Variants in ANKRD42 observed in about 807,000 individuals in gnomAD.
ANKRD42 encodes the protein ankyrin repeat domain 42.
In ANKRD42, 43 loss-of-function variants were observed where a neutral mutation model predicts 51.5. The ratio of observed to expected loss-of-function variants is 0.83; its 90% CI spans 0.65 to 1.08. The LOEUF is 1.08. ANKRD42 is among the 50% of genes least tolerant of loss of function. The probability of loss-of-function intolerance (pLI) is 0.00; values close to 1 mark genes in which losing one functional copy is unlikely to be tolerated. For missense variants in ANKRD42, 608 were observed against 629.3 expected (o/e 0.97, Z 0.36); for synonymous variants, 203 against 213.0 (o/e 0.95, Z 0.41).
chr11:83,206,964 C>T (rs775633605), intron 3 of ANKRD42, among the ~76,000 whole-genome samples: 3 of 152,060 alleles, frequency 2.0e-5, no homozygotes, highest in Non-Finnish European at 4.4e-5. Context: ...TGGTATTAGT[C>T]CATTCTCACA....
chr11:83,246,641 C>T (rs1863550766), intron 10 of ANKRD42, among the ~76,000 whole-genome samples: 1 of 152,194 alleles, frequency 6.6e-6, no homozygotes, highest in Non-Finnish European at 1.5e-5. Flanking sequence ...TTGTCCTCTG[C>T]TTTTCCTGCC....
At chr11:83,225,468 G>C (rs1459836222) in intron 6 of ANKRD42, among the ~76,000 whole-genome samples, 1 of 151,900 alleles carries the variant, frequency 6.6e-6, no homozygotes, top group Non-Finnish European at 1.5e-5. Flanking sequence ...GGGAGGCCGA[G>C]GTGGGAGGAT....
intron 7 of ANKRD42, among the ~76,000 whole-genome samples, chr11:83,228,944 T>G (rs559616446): frequency 1.2e-3 from 88 of 75,544 alleles, no homozygotes; most frequent in African/African-American, 4.8e-3. Context: ...GTTTTTTTTG[T>G]TTTTTTTTGT....
chr11:83,228,931 A>C (rs1862981532), intron 7 of ANKRD42, among the ~76,000 whole-genome samples: 1 of 133,202 alleles, frequency 7.5e-6, no homozygotes, highest in Admixed American at 7.4e-5. Context: ...ACATGTACCT[A>C]AAGTTTTTTT....
At chr11:83,223,356 T>C (rs1311787074) in intron 5 of ANKRD42, among the ~76,000 whole-genome samples, 1 of 152,184 alleles carries the variant, frequency 6.6e-6, no homozygotes, top group Non-Finnish European at 1.5e-5. Context: ...GGGAACCTGA[T>C]GCAATAATTC....
chr11:83,194,835 C>T (rs1181704021), intron 1 of ANKRD42, 107 bp downstream of exon 1: 2 of 1,139,852 alleles, frequency 1.8e-6, no homozygotes, highest in Non-Finnish European at 2.5e-6. Flanking sequence ...GCCGTCACTC[C>T]CCCCTTTCCC....
downstream of ANKRD42, among the ~76,000 whole-genome samples, chr11:83,253,922 T>C (rs1863717375): frequency 6.6e-6 from 1 of 152,214 alleles, no homozygotes; most frequent in East Asian, 1.9e-4. Context: ...AAATTTGGAA[T>C]CCTCTTCTAA....
At chr11:83,202,988 ATT>A (rs750379636) in intron 2 of ANKRD42, among the ~76,000 whole-genome samples, 18 of 118,922 alleles carry the variant, frequency 1.5e-4, no homozygotes, top group African/African-American at 1.9e-4. Flanking sequence ...TGTTGGTTGG[ATT>A]TTTTTTTTTT....
At chr11:83,227,613 C>T in intron 6 of ANKRD42, 134 bp from the exon 7 acceptor site, 1 of 782,086 alleles carries the variant, frequency 1.3e-6, no homozygotes, top group Non-Finnish European at 2.0e-6. Context: ...TACTGGTAGT[C>T]ATCAACTGAA....
chr11:83,211,727 A>G (rs1390587772), intron 5 of ANKRD42, among the ~76,000 whole-genome samples: 2 of 152,124 alleles, frequency 1.3e-5, no homozygotes, highest in East Asian at 3.9e-4. Context: ...TTGGGAGCCC[A>G]GGGATTTGAG....
chr11:83,236,409 G>A lies in ANKRD42; in HGVS notation c.919G>A (p.Gly307Arg). Residue 307 changes from glycine (G) to arginine (R), a missense_variant, in exon 8 of 11, where the codon GGA becomes AGA. Physicochemically the swap from Gly to Arg is moderately radical, Grantham distance 125 (BLOSUM62 -2). Coordinates refer to ENST00000533342, the MANE Select transcript of ANKRD42 (RefSeq NM_001300975.2). ...TTTTTCCTTTTTTTGAACAGCTGCT[G>A]GACAAGGCCACATAGAGTGTTTGCA... ...NGSTPMHKAA[G>R]QGHIECLQWL... is the part of the protein sequence containing the mutation. The A allele has an allele frequency of 1.2e-6, 2 of 1,603,716 alleles. No homozygotes were observed. The highest frequency in any genetic ancestry group is 1.3e-5 in the African/African-American group (1 of 74,682).
At chr11:83,200,549 T>C (rs1861829324) in intron 2 of ANKRD42, among the ~76,000 whole-genome samples, 1 of 152,216 alleles carries the variant, frequency 6.6e-6, no homozygotes, top group Non-Finnish European at 1.5e-5. Flanking sequence ...CAAAACACAT[T>C]ATCAGCATTT....
At chr11:83,201,862 A>G (rs1295075435) in intron 2 of ANKRD42, among the ~76,000 whole-genome samples, 1 of 151,714 alleles carries the variant, frequency 6.6e-6, no homozygotes, top group Admixed American at 6.6e-5. Context: ...TTTCTTATAA[A>G]TTTAAGTTTC....
rs1207077915 is a variant in ANKRD42, at chr11:83,248,715, T to G, written c.*511T>G. 2.1e-6 allele frequency: 2 copies of G among 975,448 alleles called. No homozygotes were observed. Among genetic ancestry groups the G allele is most frequent in the Non-Finnish European group, 2.4e-6 (2 of 820,976 alleles). The allele number at this position is 975,448 out of a possible 1,614,324, so 60.4% of individuals were successfully genotyped here. A position where few individuals can be genotyped will look rare whatever the true frequency, so the allele number is the denominator to read the frequency against. On this transcript the variant is annotated 3_prime_UTR_variant, in exon 11 of 11. Transcript: ENST00000533342. ...GTCTCTTTAATAACCACTTTAAAAA[T>G]ATTAAAATAATAAAACATGTTTGTT...
chr11:83,226,234 CACACAT>C (rs1862881343), intron 6 of ANKRD42, among the ~76,000 whole-genome samples: 1 of 152,082 alleles, frequency 6.6e-6, no homozygotes, highest in Non-Finnish European at 1.5e-5. Context: ...CACATACACA[CACACAT>C]ACACACACAC....
chr11:83,250,423 T>C (rs1485811024), downstream of ANKRD42, among the ~76,000 whole-genome samples: 3 of 152,172 alleles, frequency 2.0e-5, no homozygotes, highest in East Asian at 3.8e-4. Context: ...GAATGATATA[T>C]ATATTTTTGA....
intron 5 of ANKRD42, among the ~76,000 whole-genome samples, chr11:83,222,554 T>C (rs1862746834): frequency 6.6e-6 from 1 of 152,194 alleles, no homozygotes; most frequent in Admixed American, 6.5e-5. Flanking sequence ...GAAGTGACAA[T>C]TGGATAAACA....
intron 5 of ANKRD42, chr11:83,213,137 G>A (rs546788447): frequency 1.7e-5 from 28 of 1,601,740 alleles, no homozygotes; most frequent in African/African-American, 4.0e-5. Flanking sequence ...TGACAACAGG[G>A]TTCGTAGAAG....
chr11:83,236,383 C>T (rs762950846), intron 7 of ANKRD42, 21 bp from the exon 8 acceptor site: 1 of 1,572,598 alleles, frequency 6.4e-7, no homozygotes, highest in Admixed American at 2.0e-5. Context: ...AATTCCTGTT[C>T]TTTTTCCTTT....
Sources: allele counts gnomAD v4.1 joint callset (sites outside exome capture counted in the v4.1 genomes callset), GRCh38; gene constraint gnomAD v4.1.1; transcripts MANE v1.5; gene names NCBI Gene and HGNC (gene_info 2026-07-23, HGNC 2026-07-21).